The following TRIM62 variants were observed in gnomAD, a reference collection of about 807,000 sequenced individuals.
TRIM62 encodes tripartite motif containing 62.
Under a neutral mutation model 44.2 loss-of-function variants are expected in TRIM62, and 39 were observed. The observed-to-expected ratio is 0.88, with a 90% CI of 0.68 to 1.15. The LOEUF (loss-of-function observed/expected upper bound fraction) is 1.15, where lower values mean the gene tolerates loss of function less well. TRIM62 is among the 50% of genes most tolerant of loss of function. The pLI is 0.00. For missense variants in TRIM62, 544 were observed against 665.5 expected (o/e 0.82, Z 2.01); for synonymous variants, 278 against 292.3 (o/e 0.95, Z 0.50).
chr1:33,171,579 C>T (rs149247493), intron 1 of TRIM62, among the ~76,000 whole-genome samples: 1 of 152,240 alleles, frequency 6.6e-6, no homozygotes, highest in African/African-American at 2.4e-5. Context: ...TTTGTGCTGG[C>T]CGCTCCAGGG....
Position 33,146,734 on chromosome 1 carries a change from T to A in TRIM62, c.*443A>T, listed in dbSNP as rs914963665. 12 of 193,318 alleles carry A rather than the reference T, an allele frequency of 6.2e-5. No homozygotes were observed. Among genetic ancestry groups the A allele is most frequent in the African/African-American group, 2.8e-4 (12 of 42,702 alleles). 12.0% of individuals were successfully genotyped at this position (193,318 alleles called of 1,614,324 possible). ...ACTGGGGTCAAGGGTAAATGGCCCA[T>A]CACTAGCTTGGTCAGGGGTAAGTCT... On this transcript the variant is annotated 3_prime_UTR_variant, in exon 5 of 5. Transcript: ENST00000291416.
chr1:33,155,578 T>A (rs1046699247), intron 4 of TRIM62, among the ~76,000 whole-genome samples: 1 of 152,160 alleles, frequency 6.6e-6, no homozygotes, highest in African/African-American at 2.4e-5. Flanking sequence ...GGGCACAGGC[T>A]CTGGGGCCCG....
At chr1:33,155,645 C>G (rs543723070) in intron 4 of TRIM62, among the ~76,000 whole-genome samples, 13 of 152,272 alleles carry the variant, frequency 8.5e-5, no homozygotes, top group Admixed American at 1.3e-4. Context: ...AGGACAAGTT[C>G]CTAACAGCTC....
At chr1:33,175,251 T>A (rs1246224895) in intron 1 of TRIM62, among the ~76,000 whole-genome samples, 3 of 151,312 alleles carry the variant, frequency 2.0e-5, no homozygotes, top group Non-Finnish European at 4.4e-5. Flanking sequence ...GGTTTCATAA[T>A]GTTGGCCAGG....
intron 2 of TRIM62, among the ~76,000 whole-genome samples, chr1:33,160,523 G>C (rs1307940577): frequency 6.6e-6 from 1 of 152,066 alleles, no homozygotes; most frequent in Non-Finnish European, 1.5e-5. Flanking sequence ...TCCAGCCTCA[G>C]CCTCCCTAGT....
Position 33,165,472 on chromosome 1 carries a change from T to C in TRIM62, c.503A>G (p.Lys168Arg), listed in dbSNP as rs754333280. ...QLLKRQLAET[K>R]SSTKSLRTTI... is the part of the protein sequence containing the mutation. The stretch of plus-strand genomic sequence containing the variant: ...CCTCCGCGCCCCGGCCAGGCTCACC[T>C]TGGTCTCCGCCAGTTGTCGCTTGAG... Residue 168 changes from lysine (K) to arginine (R), a missense_variant and splice_region_variant, in exon 2 of 5, where the codon AAG (lysine) becomes AGG (arginine). Coordinates refer to ENST00000291416, the MANE Select transcript of TRIM62 (RefSeq NM_018207.3). This position sits in a 1 kb window ranked among gnomAD's most constrained non-coding sequence, Gnocchi z 4.0. The C allele has an allele frequency of 5.6e-6, 9 of 1,599,202 alleles. No homozygotes were observed. Among genetic ancestry groups the C allele is most frequent in the South Asian group, 3.4e-5 (3 of 88,818 alleles).
rs1303018822 is a variant in TRIM62, at chr1:33,147,859, A to AAGT, written c.878-135_878-133dup. 1.0e-6 allele frequency: 1 copy of AAGT among 998,120 alleles called. No homozygotes were observed. Among genetic ancestry groups the AAGT allele is most frequent in the East Asian group, 2.6e-5 (1 of 39,010 alleles). The allele number at this position is 998,120 out of a possible 1,614,324, so 61.8% of individuals were successfully genotyped here. On this transcript the variant is annotated intron_variant, in intron 4 of 4. Coordinates refer to ENST00000291416, the MANE Select transcript of TRIM62 (RefSeq NM_018207.3). This position sits in a 1 kb window ranked among gnomAD's most constrained non-coding sequence, Gnocchi z 8.1. ...TGACCTGCTGTGTGACCTTGAATAC[A>AAGT]AGTCTGCCCTCTCTGGGCCTCATCT...
intron 4 of TRIM62, among the ~76,000 whole-genome samples, chr1:33,157,971 G>A (rs1397636297): frequency 6.6e-6 from 1 of 152,092 alleles, no homozygotes; most frequent in Non-Finnish European, 1.5e-5. Context: ...TGACCAGGCT[G>A]GTCTCGAACT....
rs950931241 is a variant in TRIM62, at chr1:33,181,220, G to T, written c.213C>A (p.Ile71=). ...GCGGGAAGGAGCTGTAGCGCTCCAC[G>T]ATGTTGGCCAGCTTGAGGCTGGGCG... ...ALAPSLKLAN[I]VERYSSFPLD... The change falls in exon 1 of 5, where the codon ATC becomes ATA. Residue 71 remains isoleucine (I), a synonymous_variant. Coordinates refer to ENST00000291416, the MANE Select transcript of TRIM62 (RefSeq NM_018207.3). This position sits in a 1 kb window ranked among gnomAD's most constrained non-coding sequence, Gnocchi z 6.5. 12 of 1,574,614 alleles carry T rather than the reference G, an allele frequency of 7.6e-6. No homozygotes were observed. In the African/African-American group the frequency reaches 1.5e-4, roughly 20 times the overall value.
intron 4 of TRIM62, among the ~76,000 whole-genome samples, chr1:33,151,976 G>A (rs941756404): frequency 2.0e-5 from 3 of 152,246 alleles, no homozygotes; most frequent in African/African-American, 4.8e-5. Context: ...GGCTGTAAGC[G>A]TTTTCCTCTG....
intron 1 of TRIM62, among the ~76,000 whole-genome samples, chr1:33,170,903 C>T (rs1358158160): frequency 6.6e-6 from 1 of 152,194 alleles, no homozygotes; most frequent in African/African-American, 2.4e-5. Flanking sequence ...TTCAGCCTCA[C>T]AGGGCACAGA....
intron 1 of TRIM62, among the ~76,000 whole-genome samples, chr1:33,169,747 C>G (rs773460283): frequency 3.9e-5 from 6 of 152,208 alleles, no homozygotes; most frequent in Admixed American, 6.5e-5. Flanking sequence ...TTCAGCTCCT[C>G]GGTTGCACTG....
Position 33,165,392 on chromosome 1 carries a change from T to A in TRIM62, c.504+79A>T. The stretch of plus-strand genomic sequence containing the variant: ...CACCGCACACCCGAGGCCCCGCCCC[T>A]CTTCCCCAGCTGGCCCCGCCCCTCG... On this transcript the variant is annotated intron_variant, in intron 2 of 4. Transcript: ENST00000291416. The surrounding 1 kb of genome is among the most constrained non-coding windows in gnomAD (Gnocchi z 4.0). 1.2e-5 allele frequency: 14 copies of A among 1,142,148 alleles called. No homozygotes were observed. The highest frequency in any genetic ancestry group is 3.0e-4 in the Middle Eastern group (1 of 3,300). 70.8% of individuals were successfully genotyped at this position (1,142,148 alleles called of 1,614,324 possible). A position where few individuals can be genotyped will look rare whatever the true frequency, so the allele number is the denominator to read the frequency against.
intron 1 of TRIM62, among the ~76,000 whole-genome samples, chr1:33,175,587 G>A (rs1483429881): frequency 6.6e-6 from 1 of 152,168 alleles, no homozygotes; most frequent in Non-Finnish European, 1.5e-5. Context: ...TGCTCCCTGG[G>A]ACAGTTGGCG....
chr1:33,162,925 GT>G (rs1645288422), intron 2 of TRIM62: 1 of 152,204 alleles, frequency 6.6e-6, no homozygotes. Flanking sequence ...GGGACTTCAG[GT>G]TGGTCCCTCA....
At chr1:33,168,611 AGCTACTTCAGCCAGG>A (rs1013084733) in intron 1 of TRIM62, among the ~76,000 whole-genome samples, 9 of 152,224 alleles carry the variant, frequency 5.9e-5, no homozygotes, top group African/African-American at 2.2e-4. Context: ...ATCTGACTGC[AGCTACTTCAGCCAGG>A]GCTCTGTTAC....
intron 1 of TRIM62, among the ~76,000 whole-genome samples, chr1:33,171,679 C>T (rs749315824): frequency 1.3e-5 from 2 of 152,240 alleles, no homozygotes; most frequent in Non-Finnish European, 2.9e-5. Flanking sequence ...ACAGGATAAA[C>T]ATGGAGGGCC....
At chr1:33,153,958 G>A (rs1645137571) in intron 4 of TRIM62, among the ~76,000 whole-genome samples, 1 of 152,178 alleles carries the variant, frequency 6.6e-6, no homozygotes, top group Non-Finnish European at 1.5e-5. Context: ...ACAAAACAGT[G>A]AGACCATGTA....
Position 33,181,349 on chromosome 1 carries a change from A to G in TRIM62, c.84T>C (p.His28=), listed in dbSNP as rs622407. 0.76 allele frequency: 1,205,343 copies of G among 1,587,034 alleles called. 458,397 individuals carry two copies. The highest frequency in any genetic ancestry group is 0.8 in the Admixed American group (45,019 of 56,252). The part of the protein sequence containing the change: ...YQDPVSLGCE[H]YFCRRCITEH... ...CCGTGATGCAGCGGCGGCAGAAGTA[A>G]TGCTCGCAGCCCAGGCTCACCGGGT... The change falls in exon 1 of 5, where the codon CAT becomes CAC. Residue 28 remains histidine, a synonymous_variant. Coordinates refer to ENST00000291416, the MANE Select transcript of TRIM62 (RefSeq NM_018207.3). The surrounding 1 kb of genome is among the most constrained non-coding windows in gnomAD (Gnocchi z 6.5).
Sources: allele counts gnomAD v4.1 joint callset (sites outside exome capture counted in the v4.1 genomes callset), GRCh38; gene constraint gnomAD v4.1.1; non-coding constraint Gnocchi (gnomAD v3.1); transcripts MANE v1.5; gene names NCBI Gene and HGNC (gene_info 2026-07-23, HGNC 2026-07-21).